Variants in CCSER1 observed in about 807,000 individuals in gnomAD.
The protein encoded by CCSER1 is coiled-coil serine rich protein 1, also known as serine-rich coiled-coil domain-containing protein 1.
In CCSER1, 41 loss-of-function variants were observed where a neutral mutation model predicts 82.0. The observed-to-expected ratio is 0.50, with a 90% CI of 0.39 to 0.65. CCSER1 has a LOEUF of 0.65. Ranked by LOEUF, CCSER1 falls within the 30% of genes least tolerant of loss-of-function variation. The probability of loss-of-function intolerance (pLI) is 0.00; values close to 1 mark genes in which losing one functional copy is unlikely to be tolerated. For missense variants in CCSER1, 1,119 were observed against 1,064.2 expected (o/e 1.05, Z -0.72); for synonymous variants, 414 against 383.9 (o/e 1.08, Z -0.92).
At chr4:90,931,490 T>A (rs549388812) in intron 9 of CCSER1, among the ~76,000 whole-genome samples, 1 of 152,272 alleles carries the variant, frequency 6.6e-6, no homozygotes, top group African/African-American at 2.4e-5. Context: ...GAAACACTAA[T>A]TTTTTAATCG....
At chr4:91,550,916 A>T (rs1314388571) in intron 10 of CCSER1, among the ~76,000 whole-genome samples, 1 of 152,198 alleles carries the variant, frequency 6.6e-6, no homozygotes, top group Non-Finnish European at 1.5e-5. Flanking sequence ...TAACTTGAGC[A>T]TTTGAAACTA....
intron 10 of CCSER1, among the ~76,000 whole-genome samples, chr4:91,376,502 G>T (rs1750424381): frequency 6.6e-6 from 1 of 152,102 alleles, no homozygotes; most frequent in Non-Finnish European, 1.5e-5. Context: ...TGAATTAAAG[G>T]TTGTTATGTG....
chr4:90,327,647 A>T (rs1311776992), intron 3 of CCSER1, among the ~76,000 whole-genome samples: 1 of 152,148 alleles, frequency 6.6e-6, no homozygotes, highest in Non-Finnish European at 1.5e-5. Flanking sequence ...GGTTCTCAAC[A>T]TCAGCATTAT....
intron 5 of CCSER1, among the ~76,000 whole-genome samples, chr4:90,536,115 C>A (rs964683033): frequency 2.0e-5 from 3 of 149,480 alleles, no homozygotes; most frequent in African/African-American, 7.5e-5. Context: ...TCACTGCAAC[C>A]TTTGCCTCCT....
At chr4:91,489,345 TAGAC>T (rs1758387542) in intron 10 of CCSER1, among the ~76,000 whole-genome samples, 1 of 152,176 alleles carries the variant, frequency 6.6e-6, no homozygotes, top group Non-Finnish European at 1.5e-5. Context: ...GGAAAGTAAT[TAGAC>T]AGTTCTTTTT....
chr4:90,614,310 C>T (rs1036414590), intron 5 of CCSER1, among the ~76,000 whole-genome samples: 7 of 152,072 alleles, frequency 4.6e-5, no homozygotes, highest in African/African-American at 9.7e-5. Context: ...TAAGACACAA[C>T]AATATTGAAA....
intron 10 of CCSER1, among the ~76,000 whole-genome samples, chr4:91,103,546 G>A (rs536175156): frequency 3.3e-5 from 5 of 152,282 alleles, no homozygotes; most frequent in South Asian, 2.1e-4. Flanking sequence ...CAGGGACCCC[G>A]AATGGAGGGA....
At chr4:91,440,379 G>T (rs548309223) in intron 10 of CCSER1, among the ~76,000 whole-genome samples, 6 of 152,242 alleles carry the variant, frequency 3.9e-5, no homozygotes, top group Non-Finnish European at 7.4e-5. Context: ...GGTACGTAAC[G>T]AAATGAAGGC....
At chr4:90,758,806 GA>G (rs1264376189) in intron 7 of CCSER1, among the ~76,000 whole-genome samples, 1 of 152,054 alleles carries the variant, frequency 6.6e-6, no homozygotes. Context: ...ATGTTGAATA[GA>G]AAAATAACAC....
In CCSER1 at chr4:91,496,616, ACG is replaced by A. The variant is rs1560716318; in HGVS notation, c.2218-101955_2218-101954del. 1.1e-3 allele frequency among the ~76,000 whole-genome samples: 23 copies of A among 21,024 alleles called. 5 individuals are homozygous for A. Among genetic ancestry groups the A allele is most frequent in the African/African-American group, 2.9e-3 (21 of 7,326 alleles). The allele number at this position is 21,024 out of a possible 152,430, so 13.8% of individuals were successfully genotyped here. A position where few individuals can be genotyped will look rare whatever the true frequency, so the allele number is the denominator to read the frequency against. On this transcript the variant is annotated intron_variant, in intron 10 of 10. Transcript: ENST00000509176. ...AATATATATTTGAATATATATATAC[ACG>A]AATATATATTTGAATATATATATAT...
At chr4:90,381,704 G>A (rs1327553365) in intron 3 of CCSER1, among the ~76,000 whole-genome samples, 1 of 151,974 alleles carries the variant, frequency 6.6e-6, no homozygotes. Context: ...ATAAATCTTA[G>A]TCCATAATCA....
intron 10 of CCSER1, among the ~76,000 whole-genome samples, chr4:91,174,385 T>A (rs946994999): frequency 5.3e-5 from 8 of 152,290 alleles, no homozygotes; most frequent in Middle Eastern, 6.8e-3. Context: ...AAGAGTATAA[T>A]TATAACTAAT....
chr4:90,567,572 G>A (rs908918116), intron 5 of CCSER1, among the ~76,000 whole-genome samples: 3 of 151,426 alleles, frequency 2.0e-5, no homozygotes, highest in African/African-American at 7.3e-5. Context: ...TGACAGGCAT[G>A]AGCCATTGCA....
At chr4:91,245,467 T>G (rs1040998273) in intron 10 of CCSER1, among the ~76,000 whole-genome samples, 2 of 151,988 alleles carry the variant, frequency 1.3e-5, no homozygotes, top group Non-Finnish European at 1.5e-5. Context: ...GTGGAAACCT[T>G]ACAGGCCAGG....
chr4:90,969,925 G>C (rs1447998909), intron 9 of CCSER1, among the ~76,000 whole-genome samples: 1 of 149,372 alleles, frequency 6.7e-6, no homozygotes, highest in East Asian at 2.0e-4. Flanking sequence ...ATACACATAA[G>C]AAATAAAAAA....
At position 91,052,538 on chromosome 4, in the gene CCSER1, T is replaced by C. The variant is rs532784544; in HGVS notation, c.2173-33412T>C. Among the ~76,000 whole-genome samples the C allele has an allele frequency of 1.8e-4, 28 of 152,242 alleles. 1 individual carries two copies. In the South Asian group the frequency reaches 5.6e-3, roughly 30 times the overall value. On this transcript the variant is annotated intron_variant, in intron 9 of 10. Coordinates refer to ENST00000509176, the MANE Select transcript of CCSER1 (RefSeq NM_001145065.2). Reference sequence around the variant, plus strand: ...GGTTTCAACTGAACACTTTGCATCCTGTTGTGGATCACTTGAAGACCTAAA... The same window carrying C: ...GGTTTCAACTGAACACTTTGCATCCCGTTGTGGATCACTTGAAGACCTAAA...
chr4:90,912,651 G>A (rs1726594629), intron 8 of CCSER1, among the ~76,000 whole-genome samples: 2 of 152,184 alleles, frequency 1.3e-5, no homozygotes, highest in African/African-American at 2.4e-5. Context: ...CGACATTGAC[G>A]AGCTGAGAGA....
At chr4:90,710,818 T>C (rs1282885444) in intron 6 of CCSER1, among the ~76,000 whole-genome samples, 1 of 152,146 alleles carries the variant, frequency 6.6e-6, no homozygotes, top group Non-Finnish European at 1.5e-5. Flanking sequence ...TTTATGCTCT[T>C]TTTTGGTTCC....
chr4:90,969,911 G>A (rs969153785), intron 9 of CCSER1, among the ~76,000 whole-genome samples: 1 of 151,022 alleles, frequency 6.6e-6, no homozygotes, highest in Admixed American at 6.6e-5. Flanking sequence ...AGAACCTCTA[G>A]CAGATACACA....
Sources: gnomAD v4.1 joint callset for allele counts (sites outside exome capture counted in the v4.1 genomes callset) on GRCh38, gnomAD v4.1.1 for gene constraint, MANE v1.5 for transcripts, NCBI Gene and HGNC (gene_info 2026-07-23, HGNC 2026-07-21) for gene names.